The following PRTG variants were observed in gnomAD, a reference collection of about 807,000 sequenced individuals.
PRTG encodes protogenin.
Under a neutral mutation model 122.5 loss-of-function variants are expected in PRTG, and 67 were observed. That is an observed-to-expected ratio of 0.55 (90% CI 0.45 to 0.67). The LOEUF (loss-of-function observed/expected upper bound fraction) is 0.67, where lower values mean the gene tolerates loss of function less well. Among genes scored for constraint, PRTG ranks in the 30% least tolerant of loss-of-function variants. The probability of loss-of-function intolerance (pLI) is 0.00; values close to 1 mark genes in which losing one functional copy is unlikely to be tolerated. For synonymous variants in PRTG, 554 were observed against 501.1 expected, an observed-to-expected ratio of 1.11 and a Z score of -1.41; for missense variants, 1,435 against 1,415.4, an observed-to-expected ratio of 1.01 and a Z score of -0.22.
intron 2 of PRTG, among the ~76,000 whole-genome samples, chr15:55,730,300 C>T (rs553328635): frequency 5.9e-5 from 9 of 152,070 alleles, no homozygotes; most frequent in African/African-American, 2.2e-4. Context: ...CAGGGTTTCA[C>T]CACGTTTGCC....
In PRTG at chr15:55,641,096, C is replaced by T; in HGVS notation, c.2137+17G>A. On this transcript the variant is annotated intron_variant, in intron 12 of 19. Coordinates refer to ENST00000389286, the MANE Select transcript of PRTG (RefSeq NM_173814.6). Reference sequence around the variant, plus strand: ...GTGTGAGCCATAGTAAAACAAACTGCCATGGCTTTCACTTACACACGCATC... The same window carrying T: ...GTGTGAGCCATAGTAAAACAAACTGTCATGGCTTTCACTTACACACGCATC... 6.4e-7 allele frequency: 1 copy of T among 1,573,952 alleles called. No homozygotes were observed. Among genetic ancestry groups the T allele is most frequent in the Non-Finnish European group, 8.7e-7 (1 of 1,143,584 alleles).
At chr15:55,633,104 A>G (rs1313959434) in intron 15 of PRTG, among the ~76,000 whole-genome samples, 1 of 152,190 alleles carries the variant, frequency 6.6e-6, no homozygotes, top group Non-Finnish European at 1.5e-5. Flanking sequence ...CATCTTTATG[A>G]TATCAGTAAA....
At chr15:55,738,431 G>C (rs1399182892) in intron 2 of PRTG, 1 of 698,074 alleles carries the variant, frequency 1.4e-6, no homozygotes, top group Non-Finnish European at 2.6e-6. Context: ...TGGAAACAAT[G>C]TGTGGTCATG....
rs1567096138 is a variant in PRTG at position 55,679,457 on chromosome 15, G to A, written c.974-12C>T. ...AAATGAAGGAGGAGCTATTTTTAAA[G>A]AAAAAAATGAAATATTTCTGTGATC... On this transcript the variant is annotated splice_polypyrimidine_tract_variant and intron_variant, in intron 6 of 19. Coordinates refer to ENST00000389286, the MANE Select transcript of PRTG (RefSeq NM_173814.6). 3.8e-6 allele frequency: 6 copies of A among 1,588,016 alleles called. No homozygotes were observed. The highest frequency in any genetic ancestry group is 1.8e-5 in the Admixed American group (1 of 56,826).
chr15:55,620,847 C>T (rs2059162420), intron 18 of PRTG, 80 bp from the exon 19 acceptor site: 2 of 1,163,312 alleles, frequency 1.7e-6, no homozygotes, highest in East Asian at 5.0e-5. Flanking sequence ...CATACTTTAA[C>T]TTTTACTATA....
intron 15 of PRTG, among the ~76,000 whole-genome samples, chr15:55,634,063 C>CTTTTTTTT (rs10711487): frequency 4.1e-5 from 3 of 73,846 alleles, no homozygotes; most frequent in African/African-American, 9.0e-5. Context: ...ATATACATTG[C>CTTTTTTTT]TTTTTTTTTT....
At chr15:55,667,178 A>T (rs578071081) in intron 11 of PRTG, among the ~76,000 whole-genome samples, 1 of 150,786 alleles carries the variant, frequency 6.6e-6, no homozygotes, top group Admixed American at 6.6e-5. Flanking sequence ...CAATGGCAGG[A>T]GACCTTTCAT....
intron 2 of PRTG, among the ~76,000 whole-genome samples, chr15:55,700,107 T>C (rs2059653723): frequency 1.3e-5 from 2 of 152,200 alleles, no homozygotes; most frequent in South Asian, 4.1e-4. Flanking sequence ...ACATATACTC[T>C]CTGTATATGT....
At chr15:55,632,974 G>C (rs553082120) in intron 15 of PRTG, among the ~76,000 whole-genome samples, 7 of 152,294 alleles carry the variant, frequency 4.6e-5, no homozygotes, top group Non-Finnish European at 7.3e-5. Context: ...CAAATGTTGA[G>C]TTAAATGGAT....
chr15:55,679,065 A>G (rs765316049), intron 7 of PRTG, among the ~76,000 whole-genome samples: 8 of 152,188 alleles, frequency 5.3e-5, no homozygotes, highest in Non-Finnish European at 8.8e-5. Context: ...TTTTATTACC[A>G]TCTACCACTT....
chr15:55,726,855 G>A (rs1375040092), intron 2 of PRTG, among the ~76,000 whole-genome samples: 1 of 151,576 alleles, frequency 6.6e-6, no homozygotes, highest in East Asian at 1.9e-4. Context: ...GCTGAGGCAG[G>A]AGGACTGCTT....
intron 1 of PRTG, chr15:55,742,604 G>GCCCGGAGAAGCTCCCGCAGCCCTGCC: frequency 2.0e-6 from 1 of 500,198 alleles, no homozygotes; most frequent in Non-Finnish European, 3.5e-6. Flanking sequence ...AGGGGCGTGC[G>GCCCGGAGAAGCTCCCGCAGCCCTGCC]CCCGGAGAAG....
At chr15:55,728,537 G>GA (rs1182868283) in intron 2 of PRTG, among the ~76,000 whole-genome samples, 4 of 152,072 alleles carry the variant, frequency 2.6e-5, no homozygotes, top group African/African-American at 4.8e-5. Flanking sequence ...AAAGGCATTT[G>GA]AAAAAATCCA....
At chr15:55,629,371 A>ATGTGTG (rs1457708289) in intron 15 of PRTG, among the ~76,000 whole-genome samples, 373 of 35,364 alleles carry the variant, frequency 0.011, 3 homozygotes, top group African/African-American at 0.018. Context: ...ATATATATAT[A>ATGTGTG]TATATGTGTG....
chr15:55,742,422 C>CT (rs566668151), intron 1 of PRTG: 207 of 168,536 alleles, frequency 1.2e-3, no homozygotes, highest in African/African-American at 4.6e-3. Context: ...ACTAAGGAAA[C>CT]AATATAAATA....
intron 17 of PRTG, 93 bp from the exon 18 acceptor site, chr15:55,624,600 T>A: frequency 1.0e-6 from 1 of 995,198 alleles, no homozygotes; most frequent in Non-Finnish European, 1.4e-6. Context: ...TTGTAAGCAA[T>A]GCAGTTCTTT....
In PRTG at chr15:55,619,767, C is replaced by A; in HGVS notation, c.*245G>T. The A allele has an allele frequency of 1.9e-6, 1 of 525,184 alleles. No homozygotes were observed. 32.5% of individuals were successfully genotyped at this position (525,184 alleles called of 1,614,324 possible). The stretch of plus-strand genomic sequence containing the variant: ...CACATTCAAAAAAAGCTAAAATACC[C>A]CATAAAGATATTAAGATTTTCACAA... On this transcript the variant is annotated 3_prime_UTR_variant, in exon 20 of 20. Transcript: ENST00000389286.
At chr15:55,677,449 T>A (rs2059509022) in intron 8 of PRTG, among the ~76,000 whole-genome samples, 1 of 152,188 alleles carries the variant, frequency 6.6e-6, no homozygotes, top group Middle Eastern at 3.2e-3. Flanking sequence ...CTAATGTAAC[T>A]ACATACATAA....
intron 18 of PRTG, among the ~76,000 whole-genome samples, chr15:55,623,498 G>A (rs1028415939): frequency 5.3e-5 from 8 of 151,982 alleles, no homozygotes; most frequent in Non-Finnish European, 7.4e-5. Context: ...ACCGGGAGGT[G>A]GAGGTCACAG....
Sources: allele counts gnomAD v4.1 joint callset (sites outside exome capture counted in the v4.1 genomes callset), GRCh38; gene constraint gnomAD v4.1.1; transcripts MANE v1.5; gene names NCBI Gene and HGNC (gene_info 2026-07-23, HGNC 2026-07-21).